NCAM2: variants seen among roughly 807,000 people sequenced by gnomAD.
NCAM2 encodes N-CAM-2.
Under a neutral mutation model 98.1 loss-of-function variants are expected in NCAM2, and 30 were observed. That is an observed-to-expected ratio of 0.31 (90% CI 0.23 to 0.41). The LOEUF (loss-of-function observed/expected upper bound fraction) is 0.41. Ranked by LOEUF, NCAM2 falls within the 10% of genes least tolerant of loss-of-function variation. The pLI is 1.00. For missense variants in NCAM2, 867 were observed against 1,005.8 expected (o/e 0.86, Z 1.87); for synonymous variants, 368 against 342.4 (o/e 1.07, Z -0.83).
intron 1 of NCAM2, among the ~76,000 whole-genome samples, chr21:21,101,229 AATAAC>A (rs1248866276): frequency 6.6e-6 from 1 of 152,086 alleles, no homozygotes; most frequent in Non-Finnish European, 1.5e-5. Context: ...AATATGCAGA[AATAAC>A]ATATCCATAA....
intron 1 of NCAM2, among the ~76,000 whole-genome samples, chr21:21,014,248 A>AC (rs2064264689): frequency 6.6e-6 from 1 of 151,976 alleles, no homozygotes; most frequent in African/African-American, 2.4e-5. Context: ...ACATGATGAA[A>AC]CCCCATCTCT....
chr21:21,499,466 C>T (rs1022197398), intron 15 of NCAM2, among the ~76,000 whole-genome samples: 1 of 152,124 alleles, frequency 6.6e-6, no homozygotes, highest in Non-Finnish European at 1.5e-5. Context: ...TGGTCTCGAC[C>T]TCCTGACCTC....
At chr21:21,134,928 C>T (rs891589199) in intron 1 of NCAM2, among the ~76,000 whole-genome samples, 3 of 151,948 alleles carry the variant, frequency 2.0e-5, no homozygotes, top group Non-Finnish European at 4.4e-5. Flanking sequence ...CTATGTTATC[C>T]AGACTGGTTT....
intron 1 of NCAM2, among the ~76,000 whole-genome samples, chr21:21,156,654 C>G (rs1936995943): frequency 6.6e-6 from 1 of 151,726 alleles, no homozygotes; most frequent in Non-Finnish European, 1.5e-5. Context: ...GTATCATATT[C>G]CCAGTATGGT....
intron 4 of NCAM2, among the ~76,000 whole-genome samples, chr21:21,288,439 C>T (rs1360456229): frequency 6.6e-6 from 1 of 151,522 alleles, no homozygotes; most frequent in African/African-American, 2.4e-5. Context: ...TATCTAGAAC[C>T]AGAAAATCCA....
chr21:21,191,884 G>T (rs2068835308), intron 1 of NCAM2, among the ~76,000 whole-genome samples: 2 of 152,012 alleles, frequency 1.3e-5, no homozygotes, highest in African/African-American at 4.8e-5. Context: ...AGAGAAGAAG[G>T]GTTAGATCAC....
At chr21:21,097,107 C>T (rs892513805) in intron 1 of NCAM2, among the ~76,000 whole-genome samples, 1 of 151,670 alleles carries the variant, frequency 6.6e-6, no homozygotes. Flanking sequence ...TGGTAAACAT[C>T]ACGTGGGTTT....
chr21:21,526,417 A>G (rs1447191773), intron 16 of NCAM2, among the ~76,000 whole-genome samples: 1 of 152,158 alleles, frequency 6.6e-6, no homozygotes, highest in Admixed American at 6.5e-5. Context: ...CCGTATAGCT[A>G]ATAAAATATG....
chr21:21,079,552 T>C (rs1050036776), intron 1 of NCAM2, among the ~76,000 whole-genome samples: 4 of 152,248 alleles, frequency 2.6e-5, no homozygotes, highest in Admixed American at 6.5e-5. Context: ...TTCTAAATTC[T>C]GTTTTAGTGA....
chr21:21,503,365 G>C (rs947847639), intron 15 of NCAM2, among the ~76,000 whole-genome samples: 2 of 151,798 alleles, frequency 1.3e-5, no homozygotes, highest in African/African-American at 4.8e-5. Flanking sequence ...GAACATGAAC[G>C]CTTTGAGACT....
intron 12 of NCAM2, among the ~76,000 whole-genome samples, chr21:21,442,577 C>G (rs918159484): frequency 1.3e-5 from 2 of 151,984 alleles, no homozygotes; most frequent in African/African-American, 4.8e-5. Flanking sequence ...AAAGAGAGGT[C>G]TAGACTGTAG....
chr21:21,366,629 C>T (rs1214014612), intron 8 of NCAM2, among the ~76,000 whole-genome samples: 1 of 152,032 alleles, frequency 6.6e-6, no homozygotes, highest in Non-Finnish European at 1.5e-5. Context: ...ATCTGCTCCA[C>T]ATATTCTCTT....
At chr21:21,308,057 A>T (rs999791084) in intron 5 of NCAM2, among the ~76,000 whole-genome samples, 1 of 88,582 alleles carries the variant, frequency 1.1e-5, no homozygotes, top group Non-Finnish European at 2.3e-5. Flanking sequence ...CAACTGTGCT[A>T]TGCATACACA....
At chr21:21,149,932 G>A (rs8134984) in intron 1 of NCAM2, among the ~76,000 whole-genome samples, 147,599 of 152,160 alleles carry the variant, frequency 0.97, 71,729 homozygotes, top group East Asian at 1. Context: ...TATATAGCCC[G>A]TAATGGGATT....
intron 11 of NCAM2, among the ~76,000 whole-genome samples, chr21:21,428,736 T>C (rs2146008129): frequency 6.6e-6 from 1 of 152,278 alleles, no homozygotes; most frequent in East Asian, 1.9e-4. Flanking sequence ...GTGAAGACAA[T>C]TACAGATTAC....
intron 1 of NCAM2, among the ~76,000 whole-genome samples, chr21:21,066,125 T>C (rs1218404237): frequency 6.6e-6 from 1 of 152,312 alleles, no homozygotes; most frequent in Non-Finnish European, 1.5e-5. Context: ...AATTTGGATA[T>C]TTCTCTGTTC....
chr21:21,525,751 C>A (rs750689317), intron 16 of NCAM2, among the ~76,000 whole-genome samples: 3 of 152,020 alleles, frequency 2.0e-5, no homozygotes, highest in South Asian at 4.1e-4. Context: ...GATGCAAACA[C>A]CATTTACAAA....
chr21:21,261,087 A>G (rs1417728548), intron 1 of NCAM2, among the ~76,000 whole-genome samples: 1 of 152,010 alleles, frequency 6.6e-6, no homozygotes, highest in Non-Finnish European at 1.5e-5. Context: ...TTTTAAACCA[A>G]CAACAGTAGA....
intron 5 of NCAM2, among the ~76,000 whole-genome samples, chr21:21,316,888 TA>T (rs1213140879): frequency 6.6e-6 from 1 of 152,198 alleles, no homozygotes; most frequent in Non-Finnish European, 1.5e-5. Context: ...AGCCCCTGTA[TA>T]TTGGTCCTTG....
Sources: gnomAD v4.1 joint callset for allele counts (sites outside exome capture counted in the v4.1 genomes callset) on GRCh38, gnomAD v4.1.1 for gene constraint, MANE v1.5 for transcripts, NCBI Gene and HGNC (gene_info 2026-07-23, HGNC 2026-07-21) for gene names.